SFT2D1: variants seen among roughly 807,000 people sequenced by gnomAD.
SFT2D1 encodes SFT2 domain containing 1, also known as vesicle transport protein SFT2A.
SFT2D1 carries 24 observed loss-of-function variants against 28.1 expected under a neutral mutation model. That is an observed-to-expected ratio of 0.85 (90% CI 0.62 to 1.20). The LOEUF (loss-of-function observed/expected upper bound fraction) is 1.20. Among genes scored for constraint, SFT2D1 ranks in the 50% most tolerant of loss-of-function variants. The pLI, the probability that SFT2D1 is intolerant of heterozygous loss-of-function variation, is 0.00. For missense variants in SFT2D1, 181 were observed against 190.9 expected (o/e 0.95, Z 0.31); for synonymous variants, 82 against 73.7 (o/e 1.11, Z -0.58).
intron 1 of SFT2D1, among the ~76,000 whole-genome samples, chr6:166,338,206 T>C (rs1388902658): frequency 6.6e-6 from 1 of 152,212 alleles, no homozygotes; most frequent in African/African-American, 2.4e-5. Flanking sequence ...GAGAACTCTG[T>C]AGAATGTTCC....
At chr6:166,325,997 A>C (rs1453444611) in intron 5 of SFT2D1, 135 bp downstream of exon 5, 1 of 874,964 alleles carries the variant, frequency 1.1e-6, no homozygotes, top group African/African-American at 1.7e-5. Flanking sequence ...TAACATGTCA[A>C]ATTTTAGGAA....
At position 166,330,228 on chromosome 6, in the gene SFT2D1, A is replaced by C. The variant is rs1193804232; in HGVS notation, c.83T>G (p.Leu28Arg). 6.2e-7 allele frequency: 1 copy of C among 1,603,448 alleles called. No individual in the cohort carries two copies. Among genetic ancestry groups the C allele is most frequent in the Non-Finnish European group, 8.5e-7 (1 of 1,176,656 alleles). The change falls in exon 2 of 8, where the codon CTT becomes CGT. Residue 28 changes from leucine to arginine, a missense_variant. Coordinates refer to ENST00000361731, the MANE Select transcript of SFT2D1 (RefSeq NM_145169.3). ...LTAQVLDASSLSFNTRLKWFA... is the reference protein window; with the variant it reads ...LTAQVLDASSRSFNTRLKWFA... ...CCATTTCAATCTGGTGTTGAAACTA[A>C]GGGATGAGGCATCCAGGACCTTAAT...
At chr6:166,331,795 TTTTA>T (rs1399926929) in intron 1 of SFT2D1, among the ~76,000 whole-genome samples, 3 of 152,246 alleles carry the variant, frequency 2.0e-5, no homozygotes, top group African/African-American at 7.2e-5. Flanking sequence ...TGTATATAAC[TTTTA>T]TTTGTCAATT....
chr6:166,322,705 A>G (rs1778379125), intron 7 of SFT2D1, 152 bp downstream of exon 7: 1 of 681,550 alleles, frequency 1.5e-6, no homozygotes, highest in Admixed American at 3.0e-5. Flanking sequence ...AAAAAAAAAA[A>G]AAAAAAGTAT....
At chr6:166,335,300 A>G in intron 1 of SFT2D1, 1 of 578,930 alleles carries the variant, frequency 1.7e-6, no homozygotes, top group South Asian at 1.4e-5. Context: ...CAGTGGCAGC[A>G]GGGATGGCTG....
At chr6:166,332,393 T>C (rs574926486) in intron 1 of SFT2D1, among the ~76,000 whole-genome samples, 24 of 152,316 alleles carry the variant, frequency 1.6e-4, no homozygotes, top group African/African-American at 5.5e-4. Context: ...TAGCTGGGAC[T>C]ACAGGTCCAC....
intron 4 of SFT2D1, among the ~76,000 whole-genome samples, 182 bp downstream of exon 4, chr6:166,328,094 G>A (rs1021554766): frequency 4.0e-5 from 6 of 151,628 alleles, no homozygotes; most frequent in Admixed American, 2.6e-4. Flanking sequence ...CACCGTGCCC[G>A]GCCGGATATA....
chr6:166,326,204 T>G, intron 4 of SFT2D1, 37 bp from the exon 5 acceptor site: 1 of 1,574,246 alleles, frequency 6.4e-7, no homozygotes, highest in Non-Finnish European at 8.7e-7. Context: ...AAGTTTGAGA[T>G]CCTTTCAAAA....
intron 5 of SFT2D1, among the ~76,000 whole-genome samples, chr6:166,325,318 C>T (rs1778423844): frequency 6.6e-6 from 1 of 152,122 alleles, no homozygotes; most frequent in African/African-American, 2.4e-5. Flanking sequence ...TCTAAAATAT[C>T]TACCCTTTCT....
chr6:166,335,185 G>A, intron 1 of SFT2D1: 1 of 620,346 alleles, frequency 1.6e-6, no homozygotes, highest in Non-Finnish European at 3.0e-6. Context: ...CTTTGGTGGT[G>A]GTTGTGGAGG....
At chr6:166,331,655 C>A (rs1342708336) in intron 1 of SFT2D1, among the ~76,000 whole-genome samples, 1 of 151,972 alleles carries the variant, frequency 6.6e-6, no homozygotes, top group African/African-American at 2.4e-5. Flanking sequence ...CTACGCAGGC[C>A]AGAATAAACT....
Position 166,329,523 on chromosome 6 carries a change from G to A in SFT2D1, c.217C>T (p.Leu73Phe). The change falls in exon 3 of 8, where the codon CTT becomes TTT. Residue 73 changes from leucine (L) to phenylalanine (F), a missense_variant. By Grantham distance (22) the Leu-to-Phe change is conservative (BLOSUM62 0). Transcript: ENST00000361731. Reference protein sequence around the residue: ...LFAVFYTLGNLAALASTCFLM... With the variant: ...LFAVFYTLGNFAALASTCFLM... ...CAAACGTACCTGGCTAACGCAGCAA[G>A]ATTGCCGAGGGTATAAAACACTGCA... is the stretch of plus-strand genomic sequence containing the variant. 5 of 1,609,238 alleles carry A rather than the reference G, an allele frequency of 3.1e-6. No individual in the cohort carries two copies. The highest frequency in any genetic ancestry group is 2.7e-5 in the African/African-American group (2 of 75,012).
chr6:166,335,953 T>C (rs1778642316), intron 1 of SFT2D1, among the ~76,000 whole-genome samples: 1 of 152,262 alleles, frequency 6.6e-6, no homozygotes, highest in Non-Finnish European at 1.5e-5. Context: ...CTAATTTTAT[T>C]AACAGGTTAT....
At chr6:166,338,192 A>G (rs1778697238) in intron 1 of SFT2D1, among the ~76,000 whole-genome samples, 1 of 152,208 alleles carries the variant, frequency 6.6e-6, no homozygotes, top group Non-Finnish European at 1.5e-5. Flanking sequence ...TAGGACTCCC[A>G]CAAGAGAACT....
At chr6:166,325,929 A>C (rs1359187209) in intron 5 of SFT2D1, 9 of 611,362 alleles carry the variant, frequency 1.5e-5, no homozygotes, top group Non-Finnish European at 2.1e-5. Context: ...GTGTTCACTG[A>C]CTACCTCTAT....
intron 7 of SFT2D1, 89 bp from the exon 8 acceptor site, chr6:166,320,345 A>G: frequency 9.4e-7 from 1 of 1,058,718 alleles, no homozygotes; most frequent in Non-Finnish European, 1.4e-6. Context: ...ACCTTTTTTA[A>G]CAGAACTCAA....
intron 7 of SFT2D1, 53 bp downstream of exon 7, chr6:166,322,804 T>C: frequency 7.0e-7 from 1 of 1,436,820 alleles, no homozygotes; most frequent in Non-Finnish European, 9.7e-7. Context: ...TTCATATATT[T>C]GTGTGAAGAT....
rs1401400139 is a variant in SFT2D1, at chr6:166,319,767, A to T, written c.*450T>A. On this transcript the variant is annotated 3_prime_UTR_variant, in exon 8 of 8. Coordinates refer to ENST00000361731, the MANE Select transcript of SFT2D1 (RefSeq NM_145169.3). Reference sequence around the variant, plus strand: ...ATGGGTTTATTTCAAAATTGTAAAGATTTATATATTATTTTTATTACATAT... The same window carrying T: ...ATGGGTTTATTTCAAAATTGTAAAGTTTTATATATTATTTTTATTACATAT... The T allele has an allele frequency of 6.6e-6, 1 of 152,188 alleles. No homozygotes were observed. The highest frequency in any genetic ancestry group is 2.4e-5 in the African/African-American group (1 of 41,446). 9.4% of individuals were successfully genotyped at this position (152,188 alleles called of 1,614,324 possible).
chr6:166,330,047 C>A, intron 2 of SFT2D1, 114 bp downstream of exon 2: 1 of 699,922 alleles, frequency 1.4e-6, no homozygotes, highest in Non-Finnish European at 2.2e-6. Context: ...TAAATACCTT[C>A]CACCAAAATG....
Sources: allele counts gnomAD v4.1 joint callset (sites outside exome capture counted in the v4.1 genomes callset), GRCh38; gene constraint gnomAD v4.1.1; transcripts MANE v1.5; gene names NCBI Gene and HGNC (gene_info 2026-07-23, HGNC 2026-07-21).